Variants in DDX60L observed in about 807,000 individuals in gnomAD.
The protein encoded by DDX60L is probable ATP-dependent RNA helicase DDX60-like.
A neutral mutation model predicts 211.6 loss-of-function variants in DDX60L; 191 were observed. The observed-to-expected ratio is 0.90, with a 90% CI of 0.80 to 1.02. The LOEUF (loss-of-function observed/expected upper bound fraction) is 1.02. DDX60L is among the 50% of genes least tolerant of loss of function. The pLI, the probability that DDX60L is intolerant of heterozygous loss-of-function variation, is 0.00. For missense variants in DDX60L, 2,007 were observed against 1,984.1 expected, an observed-to-expected ratio of 1.01 and a Z score of -0.22; for synonymous variants, 706 against 694.1, an observed-to-expected ratio of 1.02 and a Z score of -0.27.
At chr4:168,409,744 C>G (rs542750674) in intron 22 of DDX60L, among the ~76,000 whole-genome samples, 2 of 152,128 alleles carry the variant, frequency 1.3e-5, no homozygotes, top group Non-Finnish European at 2.9e-5. Flanking sequence ...CTCGTGCATT[C>G]GATCCACAAA....
chr4:168,410,102 T>C lies in DDX60L; in HGVS notation c.2980-3396A>G, dbSNP rs564365941. The stretch of plus-strand genomic sequence containing the variant: ...CAGGGGTGAAAAAGTGCAAAATTTT[T>C]CATTAACAATTTTATAATTTAATAA... On this transcript the variant is annotated intron_variant, in intron 22 of 37. Transcript: ENST00000682922. Among the ~76,000 whole-genome samples the C allele has an allele frequency of 5.9e-5, 9 of 152,200 alleles. No homozygotes were observed. The East Asian group carries it at 1.7e-3, about 29-fold the overall frequency.
intron 29 of DDX60L, among the ~76,000 whole-genome samples, chr4:168,390,982 A>G (rs558081336): frequency 2.0e-5 from 3 of 151,758 alleles, no homozygotes; most frequent in Admixed American, 6.6e-5. Flanking sequence ...AAAAAAAAGC[A>G]TACTCCCAAG....
At chr4:168,414,086 G>A (rs1340144654) in intron 22 of DDX60L, among the ~76,000 whole-genome samples, 1 of 152,014 alleles carries the variant, frequency 6.6e-6, no homozygotes, top group African/African-American at 2.4e-5. Context: ...ATGACATAAA[G>A]GGCTGAAGGA....
At chr4:168,414,180 G>T (rs1025123376) in intron 22 of DDX60L, among the ~76,000 whole-genome samples, 12 of 152,126 alleles carry the variant, frequency 7.9e-5, no homozygotes, top group Non-Finnish European at 1.8e-4. Flanking sequence ...TCAGACAAAA[G>T]CTAAGAGATT....
chr4:168,409,973 G>A (rs1379171174), intron 22 of DDX60L, among the ~76,000 whole-genome samples: 3 of 152,074 alleles, frequency 2.0e-5, no homozygotes, highest in African/African-American at 7.2e-5. Context: ...ATTAACAAGT[G>A]CCTGCCACGT....
intron 19 of DDX60L, 44 bp from the exon 20 acceptor site, chr4:168,416,841 C>A (rs753559115): frequency 1.0e-5 from 11 of 1,104,858 alleles, no homozygotes; most frequent in East Asian, 5.0e-5. Flanking sequence ...ATGTCAAAAT[C>A]GTAAATAAAA....
intron 1 of DDX60L, among the ~76,000 whole-genome samples, chr4:168,474,942 G>A (rs1759278675): frequency 6.6e-6 from 1 of 152,132 alleles, no homozygotes; most frequent in Non-Finnish European, 1.5e-5. Flanking sequence ...TGAAAAAAGA[G>A]AAAGCCACAG....
Position 168,405,937 on chromosome 4 carries a change from G to C in DDX60L, c.3213+13C>G. The C allele has an allele frequency of 6.4e-7, 1 of 1,554,984 alleles. No homozygotes were observed. The highest frequency in any genetic ancestry group is 8.7e-7 in the Non-Finnish European group (1 of 1,153,676). ...ATTAAGTGAAACTTTGTCCAAGAAA[G>C]TGTGAAAATTACCTTCTTCACTTGG... On this transcript the variant is annotated intron_variant, in intron 24 of 37. Transcript: ENST00000682922.
At position 168,386,910 on chromosome 4, in the gene DDX60L, G is replaced by A. The variant is rs955524717; in HGVS notation, c.3916-2098C>T. 6.6e-5 allele frequency among the ~76,000 whole-genome samples: 10 copies of A among 152,250 alleles called. 1 individual carries two copies. In the East Asian group the frequency reaches 1.9e-3, roughly 29 times the overall value. ...AGAATATACATATTTTAGATAGAGA[G>A]CAAAAGGAATTTTATTGATAAAGGG... On this transcript the variant is annotated intron_variant, in intron 29 of 37. Transcript: ENST00000682922.
rs1327453963 is a variant in DDX60L at position 168,421,830 on chromosome 4, G to C, written c.2324C>G (p.Ser775Cys). Residue 775 changes from serine to cysteine, a missense_variant, in exon 17 of 38, where the codon TCC becomes TGC. Coordinates refer to ENST00000682922, the MANE Select transcript of DDX60L (RefSeq NM_001012967.3). ...APTSSGKTYA[S>C]YYCMEKVLRE... ...CAGCACTTTCTCCATGCAGTAGTAGGAAGCATAGGTTTTGCCTGAGGACGT... is the reference window on the plus strand; with the variant it reads ...CAGCACTTTCTCCATGCAGTAGTAGCAAGCATAGGTTTTGCCTGAGGACGT... The C allele has an allele frequency of 6.2e-7, 1 of 1,614,200 alleles. No homozygotes were observed. The highest frequency in any genetic ancestry group is 8.5e-7 in the Non-Finnish European group (1 of 1,180,040).
chr4:168,359,672 C>G (rs115382594), intron 37 of DDX60L, among the ~76,000 whole-genome samples: 1 of 152,198 alleles, frequency 6.6e-6, no homozygotes, highest in South Asian at 2.1e-4. Flanking sequence ...TCGTACTCAT[C>G]CTTAGAAACT....
intron 29 of DDX60L, 126 bp from the exon 30 acceptor site, chr4:168,384,938 A>G: frequency 2.1e-6 from 2 of 967,576 alleles, no homozygotes; most frequent in Non-Finnish European, 3.1e-6. Flanking sequence ...CCTGAAACTA[A>G]TCTATGTTAA....
At chr4:168,401,690 C>A (rs544134680) in intron 25 of DDX60L, among the ~76,000 whole-genome samples, 2 of 152,356 alleles carry the variant, frequency 1.3e-5, no homozygotes, top group East Asian at 3.9e-4. Context: ...AGTAATATAA[C>A]ACTCATTCTA....
At chr4:168,366,925 T>C (rs954267440) in intron 36 of DDX60L, among the ~76,000 whole-genome samples, 9 of 151,960 alleles carry the variant, frequency 5.9e-5, no homozygotes, top group African/African-American at 2.2e-4. Flanking sequence ...TAATATGTTA[T>C]GCCATTATAT....
At chr4:168,373,903 A>C (rs751589581) in intron 34 of DDX60L, 95 bp from the exon 35 acceptor site, 3 of 1,245,278 alleles carry the variant, frequency 2.4e-6, no homozygotes, top group Non-Finnish European at 2.3e-6. Context: ...AGTAGGTGAC[A>C]TTCATCTCAT....
chr4:168,375,229 G>A, intron 34 of DDX60L, 148 bp downstream of exon 34: 2 of 756,994 alleles, frequency 2.6e-6, no homozygotes, highest in Middle Eastern at 7.1e-4. Flanking sequence ...GGGCTAAATT[G>A]TTTTCTGGGG....
At position 168,415,140 on chromosome 4, in the gene DDX60L, C is replaced by T. The variant is rs919112071; in HGVS notation, c.2979+268G>A. On this transcript the variant is annotated intron_variant, in intron 22 of 37. Transcript: ENST00000682922. Reference sequence around the variant, plus strand: ...AAATGCTTGAGGTAGTGGATACATACCTCATTTAGTCTGACGTGGTTATTA... The same window carrying T: ...AAATGCTTGAGGTAGTGGATACATATCTCATTTAGTCTGACGTGGTTATTA... Among the ~76,000 whole-genome samples the T allele has an allele frequency of 6.6e-5, 10 of 151,720 alleles. 1 individual carries two copies. In the South Asian group the frequency reaches 2.1e-3, roughly 32 times the overall value.
At chr4:168,421,979 T>C in intron 16 of DDX60L, 70 bp from the exon 17 acceptor site, 3 of 1,587,342 alleles carry the variant, frequency 1.9e-6, no homozygotes, top group East Asian at 4.5e-5. Context: ...GACAGTATCC[T>C]TTGTACCTTC....
intron 28 of DDX60L, among the ~76,000 whole-genome samples, chr4:168,392,211 T>A (rs1490475655): frequency 6.6e-6 from 1 of 152,220 alleles, no homozygotes; most frequent in Admixed American, 6.5e-5. Flanking sequence ...GGAGGTTTTA[T>A]CCAAACAGCT....
Sources: allele counts gnomAD v4.1 joint callset (sites outside exome capture counted in the v4.1 genomes callset), GRCh38; gene constraint gnomAD v4.1.1; transcripts MANE v1.5; gene names NCBI Gene and HGNC (gene_info 2026-07-23, HGNC 2026-07-21).